Variants in EVL observed in about 807,000 individuals in gnomAD.
The protein encoded by EVL is Enah/Vasp-like, also known as ena/VASP-like protein.
Under a neutral mutation model 59.6 loss-of-function variants are expected in EVL, and 21 were observed. The observed-to-expected ratio is 0.35, with a 90% CI of 0.25 to 0.51. The LOEUF (loss-of-function observed/expected upper bound fraction) is 0.51. Ranked by LOEUF, EVL falls within the 20% of genes least tolerant of loss-of-function variation. The probability of loss-of-function intolerance (pLI) is 0.97; values close to 1 mark genes in which losing one functional copy is unlikely to be tolerated. For synonymous variants in EVL, 198 were observed against 203.5 expected (o/e 0.97, Z 0.23); for missense variants, 462 against 546.6 (o/e 0.85, Z 1.54).
chr14:100,015,033 T>C (rs539760156), intron 1 of EVL, among the ~76,000 whole-genome samples: 23 of 152,370 alleles, frequency 1.5e-4, no homozygotes, highest in African/African-American at 5.3e-4. Flanking sequence ...CTTTTTTTAC[T>C]TGATTGGCAC....
At chr14:99,976,792 C>T (rs1358909753) in intron 1 of EVL, among the ~76,000 whole-genome samples, 2 of 152,172 alleles carry the variant, frequency 1.3e-5, no homozygotes, top group African/African-American at 4.8e-5. Flanking sequence ...TCTTCACCAG[C>T]ACCTTTACTC....
intron 1 of EVL, among the ~76,000 whole-genome samples, chr14:100,024,876 A>G (rs1595576090): frequency 6.6e-6 from 1 of 151,892 alleles, no homozygotes; most frequent in South Asian, 2.1e-4. Flanking sequence ...GCAGCTCCGC[A>G]ACTCCTTCCT....
In EVL at chr14:100,135,946, C is replaced by T. The variant is rs1888756364; in HGVS notation, c.942C>T (p.Ala314=). 6.2e-7 allele frequency: 1 copy of T among 1,613,742 alleles called. No homozygotes were observed. Among genetic ancestry groups the T allele is most frequent in the Non-Finnish European group, 8.5e-7 (1 of 1,180,016 alleles). ...CCCCCTCTCCGGGGACCCGAGCAGC[C>T]AGCCAGCCACCTAACTCCTCAGGTG... The part of the protein sequence containing the change: ...STSPSPGTRA[A]SQPPNSSEAG... The change falls in exon 9 of 14, where the codon GCC becomes GCT. Residue 314 remains alanine, a synonymous_variant. Transcript: ENST00000392920.
intron 1 of EVL, among the ~76,000 whole-genome samples, chr14:100,011,154 T>G (rs2061014833): frequency 6.6e-6 from 1 of 152,228 alleles, no homozygotes; most frequent in Non-Finnish European, 1.5e-5. Flanking sequence ...AAGCTATGTT[T>G]AGATATTTTG....
chr14:100,004,045 AATACAAAAAT>A (rs2060962944), intron 1 of EVL, among the ~76,000 whole-genome samples: 2 of 152,214 alleles, frequency 1.3e-5, no homozygotes, highest in African/African-American at 4.8e-5. Context: ...CCTTACTAAG[AATACAAAAAT>A]TAGCTGCATG....
intron 1 of EVL, among the ~76,000 whole-genome samples, chr14:100,045,335 C>T (rs2061530980): frequency 6.6e-6 from 1 of 152,210 alleles, no homozygotes; most frequent in African/African-American, 2.4e-5. Flanking sequence ...ACATCCCCTG[C>T]TCTTGCCTTG....
chr14:100,088,559 G>A (rs1222746169), intron 2 of EVL, among the ~76,000 whole-genome samples: 1 of 152,218 alleles, frequency 6.6e-6, no homozygotes, highest in Non-Finnish European at 1.5e-5. Context: ...GAATACTGCA[G>A]GCAGTTGTAA....
chr14:100,028,669 G>A (rs4636847), intron 1 of EVL, among the ~76,000 whole-genome samples: 7,225 of 152,204 alleles, frequency 0.047, 255 homozygotes, highest in Non-Finnish European at 0.079. Context: ...AAATCAGCGA[G>A]GCATGGTGAC....
At chr14:100,069,957 T>C (rs1305336390) in intron 1 of EVL, among the ~76,000 whole-genome samples, 2 of 151,336 alleles carry the variant, frequency 1.3e-5, no homozygotes, top group African/African-American at 4.9e-5. Context: ...CCGGGTATGG[T>C]GGCTCACTCC....
exon 1 of EVL, chr14:99,971,451 T>C (rs918887273): frequency 1.3e-5 from 2 of 150,930 alleles, no homozygotes; most frequent in Non-Finnish European, 3.0e-5. Context: ...GCGCGGACGG[T>C]GGGGCCCCGC....
At chr14:100,094,969 A>T (rs549834469) in intron 2 of EVL, among the ~76,000 whole-genome samples, 1 of 152,054 alleles carries the variant, frequency 6.6e-6, no homozygotes, top group Admixed American at 6.6e-5. Flanking sequence ...TGAACCCGGG[A>T]GGTGGAGGTT....
intron 1 of EVL, among the ~76,000 whole-genome samples, chr14:100,018,536 C>T (rs906423636): frequency 4.6e-5 from 7 of 152,098 alleles, no homozygotes; most frequent in African/African-American, 1.7e-4. Context: ...TTCTTCCACC[C>T]CTTCTCTAAA....
At chr14:100,097,417 A>AG in intron 2 of EVL, 64 bp from the exon 3 acceptor site, 4 of 1,450,032 alleles carry the variant, frequency 2.8e-6, no homozygotes, top group Non-Finnish European at 3.8e-6. Context: ...GCTCCATCGC[A>AG]GCGCCCTCGA....
In EVL at chr14:100,081,964, A is replaced by T. The variant is rs193059012; in HGVS notation, c.12-2723A>T. On this transcript the variant is annotated intron_variant, in intron 1 of 13. Transcript: ENST00000392920. ...AAATTTAAAACCCTGTCTCTGCTAG[A>T]ATTTAAAAGATTAGCCAGGCGTGGT... Among the ~76,000 whole-genome samples, 1,272 of 152,232 alleles carry T rather than the reference A, an allele frequency of 8.4e-3. 9 individuals are homozygous for T. The highest frequency in any genetic ancestry group is 0.015 in the Non-Finnish European group (1,025 of 68,008).
chr14:100,125,150 A>ACACACCC (rs1555361572), intron 4 of EVL, among the ~76,000 whole-genome samples: 1 of 128,286 alleles, frequency 7.8e-6, no homozygotes, highest in African/African-American at 3.6e-5. Flanking sequence ...ACACACACAC[A>ACACACCC]CCTGCCCCAA....
At chr14:100,013,415 C>T (rs1242480006) in intron 1 of EVL, among the ~76,000 whole-genome samples, 2 of 152,164 alleles carry the variant, frequency 1.3e-5, no homozygotes, top group Non-Finnish European at 1.5e-5. Flanking sequence ...CACAGCATCC[C>T]CACAAAATAC....
chr14:100,101,659 A>T (rs1886231121), intron 3 of EVL, among the ~76,000 whole-genome samples: 1 of 152,132 alleles, frequency 6.6e-6, no homozygotes, highest in Non-Finnish European at 1.5e-5. Flanking sequence ...AATAAGTAAA[A>T]ATTAGAAAAT....
At position 99,989,099 on chromosome 14, in the gene EVL, T is replaced by G. The variant is rs1440067259; in HGVS notation, c.5+17042T>G. On this transcript the variant is annotated intron_variant, in intron 1 of 13. Coordinates refer to the EVL transcript ENST00000402714. ...GAAAAAGAAAAAATCTGTTCCTCAG[T>G]AAATCTGTTTTAAAACAACAACAAC... Among the ~76,000 whole-genome samples the G allele has an allele frequency of 3.9e-5, 6 of 152,222 alleles. No homozygotes were observed. In the East Asian group the frequency reaches 1.2e-3, roughly 29 times the overall value.
chr14:100,128,586 A>AAC lies in EVL; in HGVS notation c.555_556insAC (p.Pro186ThrfsTer45). The stretch of plus-strand genomic sequence containing the variant: ...CCCCCGTCTCATGTAGTGGGCCTCC[A>AAC]CCGCCCCCCCCACCCCCAGTCCCAC... On this transcript the variant is annotated frameshift_variant, in exon 6 of 14. Transcript: ENST00000392920. LOFTEE classifies it high-confidence loss of function. 6 of 1,040,914 alleles carry AAC rather than the reference A, an allele frequency of 5.8e-6. No homozygotes were observed. Among genetic ancestry groups the AAC allele is most frequent in the Non-Finnish European group, 6.9e-6 (5 of 726,404 alleles). The allele number at this position is 1,040,914 out of a possible 1,614,324, so 64.5% of individuals were successfully genotyped here. A position where few individuals can be genotyped will look rare whatever the true frequency, so the allele number is the denominator to read the frequency against.
Sources: gnomAD v4.1 joint callset for allele counts (sites outside exome capture counted in the v4.1 genomes callset) on GRCh38, gnomAD v4.1.1 for gene constraint, MANE v1.5 for transcripts, NCBI Gene and HGNC (gene_info 2026-07-23, HGNC 2026-07-21) for gene names.